Variants in PCDH11Y observed in about 807,000 individuals in gnomAD.
PCDH11Y encodes the protein protocadherin-11 Y-linked.
For synonymous variants in PCDH11Y, 9 were observed against 83.6 expected, an observed-to-expected ratio of 0.11 and a Z score of 4.87; for missense variants, 12 against 224.8, an observed-to-expected ratio of 0.05 and a Z score of 6.05.
At chrY:5,064,467 A>C in intron 1 of PCDH11Y, among the ~76,000 whole-genome samples, 1 of 30,455 alleles carries the variant, frequency 3.3e-5, no homozygotes, top group South Asian at 7.3e-4. Context: ...CTGCTAACTA[A>C]TATCTTAGTC....
At chrY:5,380,713 A>C in intron 2 of PCDH11Y, among the ~76,000 whole-genome samples, 1 of 31,037 alleles carries the variant, frequency 3.2e-5, no homozygotes, top group East Asian at 8.7e-4. Context: ...CAGCCTCCGG[A>C]GTAGCTGGGA....
intron 2 of PCDH11Y, among the ~76,000 whole-genome samples, chrY:5,368,151 A>C: frequency 3.0e-5 from 1 of 33,616 alleles, no homozygotes; most frequent in Non-Finnish European, 7.4e-5. Flanking sequence ...TGGGCAACAG[A>C]GTGAGACCCT....
chrY:5,407,784 G>A, intron 2 of PCDH11Y, among the ~76,000 whole-genome samples: 3 of 31,046 alleles, frequency 9.7e-5, no homozygotes, highest in Admixed American at 3.0e-4. Flanking sequence ...GCGTGGTGGC[G>A]GGCGCCTGTA....
At chrY:5,321,152 A>G (rs2053112308) in intron 2 of PCDH11Y, among the ~76,000 whole-genome samples, 1 of 33,030 alleles carries the variant, frequency 3.0e-5, no homozygotes, top group Admixed American at 2.8e-4. Context: ...TAATGGACTC[A>G]CAGTTCCATG....
intron 2 of PCDH11Y, among the ~76,000 whole-genome samples, chrY:5,334,350 T>G: frequency 2.9e-5 from 1 of 34,119 alleles, no homozygotes. Context: ...TGCCTAGGAA[T>G]GAACAAGGAC....
At position 5,338,075 on chromosome Y, in the gene PCDH11Y, A is replaced by G. The variant is rs1602907104; in HGVS notation, c.3130-162982A>G. 6 of 339,164 alleles carry G rather than the reference A, an allele frequency of 1.8e-5. No individual in the cohort carries two copies. The African/African-American group carries it at 4.1e-4, about 23-fold the overall frequency. 84.6% of individuals were successfully genotyped at this position (339,164 alleles called of 400,897 possible). A position where few individuals can be genotyped will look rare whatever the true frequency, so the allele number is the denominator to read the frequency against. On this transcript the variant is annotated intron_variant, in intron 2 of 4. Coordinates refer to the PCDH11Y transcript ENST00000400457. ...ATCTCCATGCATGGCGGAGACAGTG[A>G]AATCTCGAGCATGCATCTTCTCAGT... is the stretch of plus-strand genomic sequence containing the variant.
At chrY:5,728,857 A>G (rs2124714887) in intron 4 of PCDH11Y, among the ~76,000 whole-genome samples, 1 of 32,735 alleles carries the variant, frequency 3.1e-5, no homozygotes, top group South Asian at 6.9e-4. Flanking sequence ...TTCCACTTAT[A>G]AGGGAGAACA....
rs2124675455 is a variant in PCDH11Y at position 5,387,088 on chromosome Y, C to T, written c.3130-113969C>T. ...TCACCCATGCTGGAGTGCAGTGGTG[C>T]GATCTCGGCTTACTGCAACCTCTGC... On this transcript the variant is annotated intron_variant, in intron 2 of 4. Transcript: ENST00000400457. Among the ~76,000 whole-genome samples the T allele has an allele frequency of 1.7e-4, 5 of 29,371 alleles. No individual in the cohort carries two copies. In the South Asian group the frequency reaches 3.2e-3, roughly 19 times the overall value. The allele number at this position is 29,371 out of a possible 37,273, so 78.8% of individuals were successfully genotyped here. A position where few individuals can be genotyped will look rare whatever the true frequency, so the allele number is the denominator to read the frequency against.
At chrY:5,059,971 G>C in intron 1 of PCDH11Y, among the ~76,000 whole-genome samples, 2 of 32,930 alleles carry the variant, frequency 6.1e-5, no homozygotes, top group African/African-American at 2.4e-4. Flanking sequence ...TGTCATGAAA[G>C]TGGCATATAT....
intron 2 of PCDH11Y, among the ~76,000 whole-genome samples, chrY:5,202,667 C>T: frequency 3.0e-5 from 1 of 32,837 alleles, no homozygotes; most frequent in Non-Finnish European, 7.5e-5. Flanking sequence ...TTTCCCAGTC[C>T]GTTCTTTTCC....
chrY:5,205,182 TG>T (rs2052930160), intron 2 of PCDH11Y, among the ~76,000 whole-genome samples: 2 of 28,083 alleles, frequency 7.1e-5, no homozygotes, highest in Non-Finnish European at 1.7e-4. Flanking sequence ...TTGGCCTTGC[TG>T]GTCTCCAACT....
intron 2 of PCDH11Y, among the ~76,000 whole-genome samples, chrY:5,459,299 T>C (rs2124683660): frequency 2.4e-4 from 8 of 32,800 alleles, no homozygotes; most frequent in Admixed American, 2.3e-3. Context: ...GATACAATCA[T>C]ATAGCCTTAG....
intron 2 of PCDH11Y, among the ~76,000 whole-genome samples, chrY:5,449,435 A>T: frequency 1.5e-4 from 5 of 33,130 alleles, no homozygotes; most frequent in East Asian, 8.1e-4. Flanking sequence ...GTGACTCTTC[A>T]TCCAACATGA....
intron 1 of PCDH11Y, among the ~76,000 whole-genome samples, chrY:5,071,086 T>A: frequency 9.1e-5 from 3 of 33,012 alleles, no homozygotes; most frequent in Non-Finnish European, 2.2e-4. Context: ...TATATCCCAG[T>A]GTTGTCAAAT....
At chrY:5,435,425 T>C in intron 2 of PCDH11Y, among the ~76,000 whole-genome samples, 2 of 29,193 alleles carry the variant, frequency 6.9e-5, no homozygotes, top group Non-Finnish European at 1.6e-4. Context: ...GCCATTCTCC[T>C]GCCTCAGCCT....
chrY:5,326,190 C>T, intron 2 of PCDH11Y, among the ~76,000 whole-genome samples: 5 of 32,842 alleles, frequency 1.5e-4, no homozygotes, highest in African/African-American at 3.6e-4. Flanking sequence ...GAAATGACTG[C>T]GGAGGCCTTC....
intron 2 of PCDH11Y, among the ~76,000 whole-genome samples, chrY:5,475,678 A>C (rs2053317972): frequency 3.1e-5 from 1 of 31,750 alleles, no homozygotes; most frequent in African/African-American, 1.2e-4. Flanking sequence ...TCCTCATATA[A>C]TAGTCATGTG....
chrY:5,328,878 C>G, intron 2 of PCDH11Y, among the ~76,000 whole-genome samples: 2 of 31,168 alleles, frequency 6.4e-5, no homozygotes, highest in South Asian at 1.5e-3. Flanking sequence ...AAAGACTCAG[C>G]GACGCTTGGG....
chrY:5,393,976 A>T, intron 2 of PCDH11Y, among the ~76,000 whole-genome samples: 3 of 31,878 alleles, frequency 9.4e-5, no homozygotes, highest in African/African-American at 3.7e-4. Context: ...GCATAGCTGA[A>T]CTAGAAGCAA....
Sources: gnomAD v4.1 joint callset for allele counts (sites outside exome capture counted in the v4.1 genomes callset) on GRCh38, gnomAD v4.1.1 for gene constraint, MANE v1.5 for transcripts, NCBI Gene and HGNC (gene_info 2026-07-23, HGNC 2026-07-21) for gene names.